The following TRPC1 variants were observed in gnomAD, a reference collection of about 807,000 sequenced individuals.
TRPC1 encodes short transient receptor potential channel 1.
Under a neutral mutation model 88.2 loss-of-function variants are expected in TRPC1, and 42 were observed. The observed-to-expected ratio is 0.48, with a 90% CI of 0.37 to 0.62. The LOEUF (loss-of-function observed/expected upper bound fraction) is 0.62, where lower values mean the gene tolerates loss of function less well. Among genes scored for constraint, TRPC1 ranks in the 20% least tolerant of loss-of-function variants. TRPC1 has a pLI of 0.00. For missense variants in TRPC1, 699 were observed against 957.3 expected (o/e 0.73, Z 3.56); for synonymous variants, 288 against 331.8 (o/e 0.87, Z 1.43).
Position 142,748,142 on chromosome 3 carries a change from C to T in TRPC1, c.430-116C>T. 3.0e-6 allele frequency: 3 copies of T among 988,108 alleles called. No homozygotes were observed. In the South Asian group the frequency reaches 5.3e-5, roughly 18 times the overall value. 61.2% of individuals were successfully genotyped at this position (988,108 alleles called of 1,614,324 possible). On this transcript the variant is annotated intron_variant, in intron 3 of 12. Coordinates refer to ENST00000476941, the MANE Select transcript of TRPC1 (RefSeq NM_001251845.2). ...TCCAAGCAAAATGTTTAACATATTCCTTAAATAATTCTTAAGTTCTTTGTG... is the reference window on the plus strand; with the variant it reads ...TCCAAGCAAAATGTTTAACATATTCTTTAAATAATTCTTAAGTTCTTTGTG...
Position 142,743,538 on chromosome 3 carries a change from T to C in TRPC1, c.381T>C (p.Asp127=). 1 of 1,529,094 alleles carries C rather than the reference T, an allele frequency of 6.5e-7. No homozygotes were observed. Among genetic ancestry groups the C allele is most frequent in the Non-Finnish European group, 8.7e-7 (1 of 1,143,766 alleles). The allele number at this position is 1,529,094 out of a possible 1,614,324, so 94.7% of individuals were successfully genotyped here. Residue 127 remains aspartate (D), a synonymous_variant, in exon 3 of 13, where the codon GAT becomes GAC. Coordinates refer to ENST00000476941, the MANE Select transcript of TRPC1 (RefSeq NM_001251845.2). ...ACTCTGAAGTAGTGGGAGCTGTTGA[T>C]ATACTACTTAATCATCGACCAAAAC... The part of the protein sequence containing the change: ...AIDSEVVGAV[D]ILLNHRPKRS...
intron 9 of TRPC1, among the ~76,000 whole-genome samples, chr3:142,795,775 AG>A (rs1408930510): frequency 6.6e-6 from 1 of 152,104 alleles, no homozygotes; most frequent in Non-Finnish European, 1.5e-5. Context: ...TCTAAACAGA[AG>A]AATGAACAAA....
At chr3:142,801,525 A>C (rs1231528653) in intron 9 of TRPC1, among the ~76,000 whole-genome samples, 1 of 152,144 alleles carries the variant, frequency 6.6e-6, no homozygotes, top group Non-Finnish European at 1.5e-5. Context: ...TTGAAGAATG[A>C]AATTAGGATT....
intron 1 of TRPC1, among the ~76,000 whole-genome samples, chr3:142,725,249 C>A (rs902979024): frequency 1.3e-5 from 2 of 152,174 alleles, no homozygotes; most frequent in African/African-American, 2.4e-5. Flanking sequence ...AGTGCTTTAG[C>A]CAGTGACTGT....
At chr3:142,779,655 A>AAG (rs1378040832) in intron 5 of TRPC1, among the ~76,000 whole-genome samples, 2 of 152,190 alleles carry the variant, frequency 1.3e-5, no homozygotes, top group African/African-American at 4.8e-5. Flanking sequence ...TATGATTTTT[A>AAG]TATAGCCAGT....
chr3:142,781,795 T>C (rs1191559010), intron 6 of TRPC1, among the ~76,000 whole-genome samples: 2 of 152,148 alleles, frequency 1.3e-5, no homozygotes, highest in Non-Finnish European at 2.9e-5. Context: ...TTATTAGGTA[T>C]TACTTCTAAG....
Position 142,791,084 on chromosome 3 carries a change from CG to C in TRPC1, c.1364del (p.Arg455LeufsTer8). 1 of 1,610,546 alleles carries C rather than the reference CG, an allele frequency of 6.2e-7. No homozygotes were observed. The highest frequency in any genetic ancestry group is 8.5e-7 in the Non-Finnish European group (1 of 1,178,478). On this transcript the variant is annotated frameshift_variant, in exon 8 of 13. Transcript: ENST00000476941. LOFTEE classifies it high-confidence loss of function. ...EGLEDFLEESRNQLSFVMNSL... is the reference protein window; with the variant it reads ...EGLEDFLEESXNQLSFVMNSL... ...GTTGGAAGACTTTTTAGAAGAATCT[CG>C]TAATCAACTCAGTTTTGTCATGAAT...
chr3:142,765,150 A>T (rs924088275), intron 4 of TRPC1, among the ~76,000 whole-genome samples: 17 of 152,088 alleles, frequency 1.1e-4, no homozygotes, highest in African/African-American at 4.1e-4. Context: ...GAACTACAAA[A>T]CATTACTGAA....
chr3:142,762,967 G>A (rs1430325519), intron 4 of TRPC1, among the ~76,000 whole-genome samples: 1 of 151,952 alleles, frequency 6.6e-6, no homozygotes, highest in African/African-American at 2.4e-5. Context: ...ATTTCCATGT[G>A]TCTGTGTATT....
chr3:142,804,087 C>T lies in TRPC1; in HGVS notation c.1868C>T (p.Ala623Val), dbSNP rs375825042. 20 of 1,613,752 alleles carry T rather than the reference C, an allele frequency of 1.2e-5. No homozygotes were observed. Among genetic ancestry groups the T allele is most frequent in the Non-Finnish European group, 1.6e-5 (19 of 1,179,914 alleles). ...YGEELQSFVG[A>V]VIVGTYNVVV... ...GAAGAACTGCAGTCCTTTGTGGGAG[C>T]TGTCATTGTTGGTACATACAATGTC... The change falls in exon 11 of 13, where the codon GCT becomes GTT. Residue 623 changes from alanine to valine, a missense_variant. Physicochemically the swap from Ala to Val is moderately conservative, Grantham distance 64. Around this residue, in one of 4 missense-constraint regions of TRPC1, gnomAD observed 426 missense variants for 641.3 expected, o/e 0.66. Coordinates refer to ENST00000476941, the MANE Select transcript of TRPC1 (RefSeq NM_001251845.2).
intron 1 of TRPC1, among the ~76,000 whole-genome samples, chr3:142,731,206 T>C (rs868803774): frequency 1.7e-4 from 26 of 152,094 alleles, no homozygotes; most frequent in South Asian, 4.2e-4. Flanking sequence ...TTGGAAAACA[T>C]TGGTTTGGAA....
At chr3:142,750,677 AATGATAGAC>A (rs1164223304) in intron 4 of TRPC1, among the ~76,000 whole-genome samples, 1 of 152,232 alleles carries the variant, frequency 6.6e-6, no homozygotes, top group African/African-American at 2.4e-5. Flanking sequence ...AATGCCCACC[AATGATAGAC>A]TGGATAAAGA....
At chr3:142,801,319 A>G (rs1195638356) in intron 9 of TRPC1, 1 of 147,912 alleles carries the variant, frequency 6.8e-6, no homozygotes, top group Admixed American at 6.7e-5. Flanking sequence ...AGGATTTTCT[A>G]AAATTTTTTT....
chr3:142,755,137 GTCT>G (rs1560101218), intron 4 of TRPC1, among the ~76,000 whole-genome samples: 3 of 152,064 alleles, frequency 2.0e-5, no homozygotes, highest in African/African-American at 7.3e-5. Context: ...GAAATGTTGA[GTCT>G]TGCTGGGCGC....
chr3:142,803,005 C>G (rs2108165625), intron 10 of TRPC1, among the ~76,000 whole-genome samples: 1 of 152,154 alleles, frequency 6.6e-6, no homozygotes, highest in African/African-American at 2.4e-5. Flanking sequence ...TACTATATAC[C>G]AGCCAATGTT....
intron 2 of TRPC1, among the ~76,000 whole-genome samples, chr3:142,738,530 T>C (rs1303579798): frequency 6.6e-6 from 1 of 152,226 alleles, no homozygotes; most frequent in East Asian, 1.9e-4. Flanking sequence ...GCTATATCAG[T>C]GGTTCTCAAC....
At position 142,792,871 on chromosome 3, in the gene TRPC1, A is replaced by T; in HGVS notation, c.1485A>T (p.Thr495=). 6.2e-7 allele frequency: 1 copy of T among 1,609,388 alleles called. No individual in the cohort carries two copies. Among genetic ancestry groups the T allele is most frequent in the Non-Finnish European group, 8.5e-7 (1 of 1,177,348 alleles). Residue 495 remains threonine, a synonymous_variant, in exon 9 of 13, where the codon ACA becomes ACT. Transcript: ENST00000476941. This position sits in a 1 kb window ranked among gnomAD's most constrained non-coding sequence, Gnocchi z 4.0. The stretch of plus-strand genomic sequence containing the variant: ...AGGATTGGGATGCATTCCATCCTAC[A>T]CTGGTGGCAGAAGGGCTTTTTGCAT... ...DRKDWDAFHP[T]LVAEGLFAFA...
intron 10 of TRPC1, among the ~76,000 whole-genome samples, 155 bp from the exon 11 acceptor site, chr3:142,803,822 G>T (rs1392121638): frequency 6.6e-6 from 1 of 152,154 alleles, no homozygotes; most frequent in Non-Finnish European, 1.5e-5. Flanking sequence ...TTAAAGTAAG[G>T]CATATCAGTA....
intron 9 of TRPC1, among the ~76,000 whole-genome samples, chr3:142,801,564 A>G (rs1277301751): frequency 6.6e-6 from 1 of 152,152 alleles, no homozygotes; most frequent in Admixed American, 6.5e-5. Flanking sequence ...ATACATGTCT[A>G]AACTACAAAA....
Sources: allele counts gnomAD v4.1 joint callset (sites outside exome capture counted in the v4.1 genomes callset), GRCh38; gene constraint gnomAD v4.1.1; regional missense constraint gnomAD v4.1.1; non-coding constraint Gnocchi (gnomAD v3.1); transcripts MANE v1.5; gene names NCBI Gene and HGNC (gene_info 2026-07-23, HGNC 2026-07-21).